The following SORCS2 variants were observed in gnomAD, a reference collection of about 807,000 sequenced individuals.
SORCS2 encodes the protein sortilin related VPS10 domain containing receptor 2.
A neutral mutation model predicts 141.6 loss-of-function variants in SORCS2; 100 were observed. The ratio of observed to expected loss-of-function variants is 0.71; its 90% confidence interval spans 0.60 to 0.83. The LOEUF (loss-of-function observed/expected upper bound fraction) is 0.83. SORCS2 is among the 40% of genes least tolerant of loss of function. The pLI, the probability that SORCS2 is intolerant of heterozygous loss-of-function variation, is 0.00. For missense variants in SORCS2, 1,646 were observed against 1,560.2 expected (o/e 1.05, Z -0.93); for synonymous variants, 789 against 676.9 (o/e 1.17, Z -2.57).
At chr4:7,626,496 A>G (rs1719522821) in intron 3 of SORCS2, among the ~76,000 whole-genome samples, 3 of 152,244 alleles carry the variant, frequency 2.0e-5, no homozygotes, top group Admixed American at 1.3e-4. Context: ...AGAAACAAAC[A>G]GTGCTGTTAA....
At chr4:7,692,795 T>C (rs1476302880) in intron 11 of SORCS2, among the ~76,000 whole-genome samples, 1 of 152,136 alleles carries the variant, frequency 6.6e-6, no homozygotes, top group Non-Finnish European at 1.5e-5. Flanking sequence ...GAGGACACTC[T>C]AGGCAGAGGG....
intron 1 of SORCS2, among the ~76,000 whole-genome samples, chr4:7,240,899 AT>A (rs1445120024): frequency 2.4e-4 from 37 of 152,148 alleles, no homozygotes; most frequent in Non-Finnish European, 3.7e-4. Context: ...TCTCAGCTCA[AT>A]TTGAATTTTA....
chr4:7,679,993 G>A (rs536545051), intron 9 of SORCS2, among the ~76,000 whole-genome samples: 4 of 152,318 alleles, frequency 2.6e-5, no homozygotes, highest in Non-Finnish European at 4.4e-5. Context: ...CCTTCTACCT[G>A]CCCTGAGGAC....
intron 2 of SORCS2, among the ~76,000 whole-genome samples, chr4:7,411,575 A>G (rs989381853): frequency 2.0e-5 from 3 of 151,490 alleles, no homozygotes; most frequent in Non-Finnish European, 2.9e-5. Context: ...CCATTTCTTC[A>G]TTCACTCATC....
rs764571925 is a variant in SORCS2 at position 7,396,338 on chromosome 4, G to A, written c.531G>A (p.Leu177=). The A allele has an allele frequency of 6.2e-7, 1 of 1,613,996 alleles. No individual in the cohort carries two copies. ...KYYHADMGKV[L]ESSLWRSSDF... is the part of the protein sequence containing the mutation. ...ACCACGCAGACATGGGGAAGGTTCT[G>A]GAAAGTTCTCTGTGGCGGTAAGTCA... The change falls in exon 2 of 27, where the codon CTG becomes CTA. Residue 177 remains leucine (L), a synonymous_variant. Coordinates refer to ENST00000507866, the MANE Select transcript of SORCS2 (RefSeq NM_020777.3).
At chr4:7,207,271 GGAGGGCT>G (rs1304597905) in intron 1 of SORCS2, among the ~76,000 whole-genome samples, 2 of 152,206 alleles carry the variant, frequency 1.3e-5, no homozygotes, top group Non-Finnish European at 2.9e-5. Flanking sequence ...GTCCCTTTGA[GGAGGGCT>G]GGAAAGGTGC....
chr4:7,409,578 C>G (rs1021954254), intron 2 of SORCS2, among the ~76,000 whole-genome samples: 1 of 152,302 alleles, frequency 6.6e-6, no homozygotes, highest in South Asian at 2.1e-4. Flanking sequence ...GGAACAGTCT[C>G]CCGCCAGAGA....
intron 1 of SORCS2, among the ~76,000 whole-genome samples, chr4:7,250,487 T>G (rs1029243277): frequency 1.3e-5 from 2 of 151,952 alleles, no homozygotes; most frequent in African/African-American, 4.9e-5. Context: ...AACATGCATT[T>G]TTGTATGTTT....
chr4:7,397,735 A>C (rs1411423621), intron 2 of SORCS2, among the ~76,000 whole-genome samples: 2 of 152,088 alleles, frequency 1.3e-5, no homozygotes, highest in African/African-American at 4.8e-5. Flanking sequence ...TTGAAAATGT[A>C]TGTTCCAAGG....
intron 1 of SORCS2, among the ~76,000 whole-genome samples, chr4:7,311,863 T>A (rs1019136655): frequency 1.2e-4 from 18 of 152,196 alleles, no homozygotes; most frequent in African/African-American, 4.1e-4. Context: ...ATTCTTTTTT[T>A]AGTTTATTTT....
intron 4 of SORCS2, among the ~76,000 whole-genome samples, chr4:7,649,343 G>T (rs1256892820): frequency 7.1e-6 from 1 of 139,886 alleles, no homozygotes; most frequent in Admixed American, 7.5e-5. Flanking sequence ...CCAGAGGGGG[G>T]TCCAATGGTA....
chr4:7,550,356 C>T (rs1399897862), intron 3 of SORCS2, among the ~76,000 whole-genome samples: 1 of 152,188 alleles, frequency 6.6e-6, no homozygotes, highest in African/African-American at 2.4e-5. Context: ...CAGAGGACAA[C>T]ACTTCCCAGG....
chr4:7,685,853 G>A (rs891597152), intron 10 of SORCS2, among the ~76,000 whole-genome samples: 35 of 152,026 alleles, frequency 2.3e-4, no homozygotes, highest in African/African-American at 8.0e-4. Context: ...TCAATGAATG[G>A]GCAAACTGTA....
chr4:7,308,609 A>G (rs1717986169), intron 1 of SORCS2, among the ~76,000 whole-genome samples: 1 of 152,116 alleles, frequency 6.6e-6, no homozygotes, highest in African/African-American at 2.4e-5. Context: ...CAGACATGCC[A>G]GCAACCTCAG....
intron 1 of SORCS2, among the ~76,000 whole-genome samples, chr4:7,297,603 C>T (rs1181273137): frequency 5.9e-5 from 9 of 152,220 alleles, no homozygotes; most frequent in Non-Finnish European, 1.3e-4. Context: ...CTTCCTGTCC[C>T]CGAGTTCAAG....
At position 7,594,011 on chromosome 4, in the gene SORCS2, T is replaced by C. The variant is rs576446299; in HGVS notation, c.649-44317T>C. On this transcript the variant is annotated intron_variant, in intron 3 of 26. Coordinates refer to ENST00000507866, the MANE Select transcript of SORCS2 (RefSeq NM_020777.3). ...AGGCCATTTTTAGTTAGTTCATTTATTGAGCCTCTCTTGAGCACGTCTGTC... is the reference window on the plus strand; with the variant it reads ...AGGCCATTTTTAGTTAGTTCATTTACTGAGCCTCTCTTGAGCACGTCTGTC... 2.6e-5 allele frequency among the ~76,000 whole-genome samples: 4 copies of C among 152,358 alleles called. No homozygotes were observed. In the East Asian group the frequency reaches 7.7e-4, roughly 29 times the overall value.
rs145030492 is a variant in SORCS2, at chr4:7,313,530, G to A, written c.481-82758G>A. On this transcript the variant is annotated intron_variant, in intron 1 of 26. Coordinates refer to ENST00000507866, the MANE Select transcript of SORCS2 (RefSeq NM_020777.3). ...GTCGGGGAGAGGGTGTTCCAGGCAC[G>A]GGGAGGAAGGAGGGGCTGAGCCCGG... is the stretch of plus-strand genomic sequence containing the variant. 3.3e-3 allele frequency among the ~76,000 whole-genome samples: 507 copies of A among 152,300 alleles called. 2 individuals are homozygous for A. The highest frequency in any genetic ancestry group is 0.011 in the African/African-American group (475 of 41,566).
intron 2 of SORCS2, among the ~76,000 whole-genome samples, chr4:7,500,999 A>T (rs951370726): frequency 3.3e-5 from 5 of 152,128 alleles, no homozygotes; most frequent in Non-Finnish European, 1.5e-5. Context: ...GCTCCACCCC[A>T]CGTGCCCTCT....
At chr4:7,620,684 T>C (rs1719105840) in intron 3 of SORCS2, among the ~76,000 whole-genome samples, 1 of 152,212 alleles carries the variant, frequency 6.6e-6, no homozygotes, top group Non-Finnish European at 1.5e-5. Context: ...AAAGCTGGGT[T>C]TGTGCAGCTC....
Sources: gnomAD v4.1 joint callset for allele counts (sites outside exome capture counted in the v4.1 genomes callset) on GRCh38, gnomAD v4.1.1 for gene constraint, MANE v1.5 for transcripts, NCBI Gene and HGNC (gene_info 2026-07-23, HGNC 2026-07-21) for gene names.